Variants in NRAP observed in about 807,000 individuals in gnomAD.
The protein encoded by NRAP is nebulin-related-anchoring protein.
NRAP carries 189 observed loss-of-function variants against 225.9 expected under a neutral mutation model. The ratio of observed to expected loss-of-function variants is 0.84; its 90% CI spans 0.74 to 0.94. NRAP has a LOEUF of 0.94. Ranked by LOEUF, NRAP falls within the 40% of genes least tolerant of loss-of-function variation. NRAP has a pLI of 0.00. For missense variants in NRAP, 2,176 were observed against 2,168.7 expected, an observed-to-expected ratio of 1.00 and a Z score of -0.07; for synonymous variants, 769 against 790.7, an observed-to-expected ratio of 0.97 and a Z score of 0.46.
In NRAP at chr10:113,589,060, T is replaced by A. The variant is rs1845763069; in HGVS notation, c.5108A>T (p.Glu1703Val). Residue 1703 changes from glutamate (E) to valine (V), a missense_variant, in exon 42 of 42, where the codon GAG (glutamate) becomes GTG (valine). Physicochemically the swap from Glu to Val is moderately radical, Grantham distance 121 (BLOSUM62 -2). Coordinates refer to ENST00000359988, the MANE Select transcript of NRAP (RefSeq NM_198060.4). ...QGAYRGAEAV[E>V]AGDHQSGEVN... ...CTCCCCACTCTGATGATCTCCAGCCTCCACTGCTTCTGCCCCCCGCTGCTG... is the reference window on the plus strand; with the variant it reads ...CTCCCCACTCTGATGATCTCCAGCCACCACTGCTTCTGCCCCCCGCTGCTG... 6.2e-7 allele frequency: 1 copy of A among 1,613,892 alleles called. No homozygotes were observed. The highest frequency in any genetic ancestry group is 1.3e-5 in the African/African-American group (1 of 74,994).
intron 3 of NRAP, among the ~76,000 whole-genome samples, chr10:113,660,708 C>T (rs1473661915): frequency 6.6e-6 from 1 of 152,202 alleles, no homozygotes; most frequent in East Asian, 1.9e-4. Flanking sequence ...AGGTAAAGTA[C>T]ATCTCCTCAT....
At position 113,606,219 on chromosome 10, in the gene NRAP, C is replaced by T. The variant is rs764226845; in HGVS notation, c.3766G>A (p.Glu1256Lys). The T allele has an allele frequency of 1.1e-5, 17 of 1,614,030 alleles. No individual in the cohort carries two copies. In the East Asian group the frequency reaches 1.3e-4, roughly 13 times the overall value. Residue 1256 changes from glutamate (E) to lysine (K), a missense_variant, in exon 33 of 42, where the codon GAG (glutamate) becomes AAG (lysine). Around this residue, in one of 3 missense-constraint regions of NRAP, gnomAD observed 1,708 missense variants for 1,695.5 expected, o/e 1.01. Coordinates refer to ENST00000359988, the MANE Select transcript of NRAP (RefSeq NM_198060.4). ...HEYTMTLGLP[E>K]FIRAKTNAAN... is the part of the protein sequence containing the mutation. ...GCATTCGTTTTTGCTCGGATGAACT[C>T]GGGCAGACCCAGGGTCATTGTATAC...
intron 30 of NRAP, 31 bp downstream of exon 30, chr10:113,612,203 G>A (rs759216705): frequency 6.3e-7 from 1 of 1,588,148 alleles, no homozygotes; most frequent in South Asian, 1.1e-5. Context: ...AGAGAAGAAG[G>A]GGCCCTGAGA....
At chr10:113,597,924 G>A (rs751856971) in intron 36 of NRAP, 45 bp downstream of exon 36, 1 of 1,324,818 alleles carries the variant, frequency 7.5e-7, no homozygotes, top group East Asian at 2.3e-5. Flanking sequence ...AAAAGGAAAT[G>A]CTAGCTTGCC....
chr10:113,642,723 A>T (rs866913800), intron 12 of NRAP, among the ~76,000 whole-genome samples: 10 of 152,178 alleles, frequency 6.6e-5, no homozygotes, highest in Non-Finnish European at 1.2e-4. Context: ...CGCCCAGAGG[A>T]CTCAGGGTCA....
At position 113,617,499 on chromosome 10, in the gene NRAP, G is replaced by A. The variant is rs115942015; in HGVS notation, c.2929C>T (p.Pro977Ser). Residue 977 changes from proline to serine, a missense_variant, in exon 26 of 42, where the codon CCG becomes TCG. This residue lies in a region of NRAP where 1,708 missense variants were observed against 1,695.5 expected (regional missense o/e 1.01). Transcript: ENST00000359988. ...ALKFTSIKDT[P>S]EMVQARISYT... ...CTAATTCTGGCCTGGACCATCTCCG[G>A]AGTGTCTTTAATACTGGTAAACTTC... is the stretch of plus-strand genomic sequence containing the variant. The A allele has an allele frequency of 2.6e-4, 424 of 1,612,574 alleles. No individual in the cohort carries two copies. The African/African-American group carries it at 5.1e-3, about 20-fold the overall frequency.
In NRAP at chr10:113,656,659, T is replaced by C. The variant is rs144583817; in HGVS notation, c.360+811A>G. On this transcript the variant is annotated intron_variant, in intron 4 of 41. Transcript: ENST00000359988. The stretch of plus-strand genomic sequence containing the variant: ...ATATCATTATGTTAGGAAGTGTTTT[T>C]GAAGTTCACCTTACAGATGAGAAAG... 6.0e-3 allele frequency among the ~76,000 whole-genome samples: 917 copies of C among 152,358 alleles called. 4 individuals are homozygous for C. The highest frequency in any genetic ancestry group is 0.011 in the Non-Finnish European group (729 of 68,032).
chr10:113,652,978 G>A lies in NRAP; in HGVS notation c.527C>T (p.Pro176Leu). 6.2e-7 allele frequency: 1 copy of A among 1,613,386 alleles called. No individual in the cohort carries two copies. The highest frequency in any genetic ancestry group is 1.1e-5 in the South Asian group (1 of 90,958). The change falls in exon 6 of 42, where the codon CCT (proline) becomes CTT (leucine). Residue 176 changes from proline (P) to leucine (L), a missense_variant. Physicochemically the swap from Pro to Leu is moderately conservative, Grantham distance 98. Coordinates refer to ENST00000359988, the MANE Select transcript of NRAP (RefSeq NM_198060.4). ...GKGSFPAMIT[P>L]AYQRAKKANQ... is the part of the protein sequence containing the mutation. ...GGCTTTCTTGGCCCTTTGATAAGCA[G>A]GTGTGATCATGGCTGGAAAGCTCCC...
chr10:113,588,736 C>A lies in NRAP; in HGVS notation c.*239G>T, dbSNP rs151044822. 2.9e-4 allele frequency: 164 copies of A among 560,442 alleles called. No individual in the cohort carries two copies. The highest frequency in any genetic ancestry group is 2.8e-3 in the African/African-American group (149 of 53,476). The allele number at this position is 560,442 out of a possible 1,614,324, so 34.7% of individuals were successfully genotyped here. On this transcript the variant is annotated 3_prime_UTR_variant, in exon 42 of 42. Transcript: ENST00000359988. ...GCATCAGCGGGAACCACCATCACAT[C>A]TTTATTCCTCAGCCCAGACACTCGA...
intron 7 of NRAP, 85 bp from the exon 8 acceptor site, chr10:113,650,630 C>A (rs1284588083): frequency 2.2e-6 from 2 of 889,108 alleles, no homozygotes; most frequent in African/African-American, 3.3e-5. Flanking sequence ...TCCATGACAT[C>A]CTGCCCATCT....
chr10:113,635,018 C>T (rs1024006129), intron 14 of NRAP, among the ~76,000 whole-genome samples: 6 of 152,166 alleles, frequency 3.9e-5, no homozygotes, highest in Admixed American at 3.3e-4. Context: ...GTAGAAGATG[C>T]AGGTTCAAAA....
At chr10:113,663,581 G>T in intron 1 of NRAP, 135 bp from the exon 2 acceptor site, 1 of 659,258 alleles carries the variant, frequency 1.5e-6, no homozygotes, top group East Asian at 2.7e-5. Flanking sequence ...CACACACACA[G>T]CTATAACAAC....
At chr10:113,633,281 G>C in intron 15 of NRAP, 93 bp from the exon 16 acceptor site, 4 of 709,290 alleles carry the variant, frequency 5.6e-6, no homozygotes, top group South Asian at 1.6e-5. Flanking sequence ...ACCCATAGTT[G>C]AGAAGGAGTT....
chr10:113,632,235 A>C (rs560806814), intron 16 of NRAP, among the ~76,000 whole-genome samples: 1 of 152,326 alleles, frequency 6.6e-6, no homozygotes, highest in South Asian at 2.1e-4. Context: ...CTTGGCCAAT[A>C]ACCTCTTGGG....
chr10:113,639,559 C>T (rs1021407651), intron 14 of NRAP, among the ~76,000 whole-genome samples: 1 of 152,238 alleles, frequency 6.6e-6, no homozygotes, highest in Admixed American at 6.5e-5. Flanking sequence ...TACAACCTTT[C>T]TTCTAAGCCA....
intron 41 of NRAP, 140 bp downstream of exon 41, chr10:113,589,526 G>T: frequency 1.0e-6 from 1 of 971,044 alleles, no homozygotes; most frequent in Non-Finnish European, 1.5e-6. Flanking sequence ...CATGAAATTA[G>T]GCGCCTTGTT....
intron 9 of NRAP, among the ~76,000 whole-genome samples, chr10:113,649,391 A>C (rs565170374): frequency 6.6e-6 from 1 of 152,358 alleles, no homozygotes; most frequent in East Asian, 1.9e-4. Flanking sequence ...TTGCTCTTCC[A>C]ATGTTCTTCA....
intron 20 of NRAP, among the ~76,000 whole-genome samples, chr10:113,627,788 A>G (rs1446532144): frequency 2.0e-5 from 3 of 152,222 alleles, no homozygotes; most frequent in Non-Finnish European, 4.4e-5. Flanking sequence ...TGTAACTTAA[A>G]TCTCACTTTC....
At chr10:113,592,868 T>A (rs1592719319) in intron 38 of NRAP, among the ~76,000 whole-genome samples, 1 of 152,164 alleles carries the variant, frequency 6.6e-6, no homozygotes, top group Admixed American at 6.5e-5. Context: ...TGAATTAAAT[T>A]TATTGTCAAG....
Sources: allele counts gnomAD v4.1 joint callset (sites outside exome capture counted in the v4.1 genomes callset), GRCh38; gene constraint gnomAD v4.1.1; regional missense constraint gnomAD v4.1.1; transcripts MANE v1.5; gene names NCBI Gene and HGNC (gene_info 2026-07-23, HGNC 2026-07-21).